Variants in SUPT3H observed in about 807,000 individuals in gnomAD.
The protein encoded by SUPT3H is SPT3 homolog, SAGA and STAGA complex component.
A neutral mutation model predicts 44.3 loss-of-function variants in SUPT3H; 44 were observed. The ratio of observed to expected loss-of-function variants is 0.99; its 90% CI spans 0.78 to 1.28. SUPT3H has a LOEUF of 1.28. Among genes scored for constraint, SUPT3H ranks in the 50% most tolerant of loss-of-function variants. The pLI, the probability that SUPT3H is intolerant of heterozygous loss-of-function variation, is 0.00. For missense variants in SUPT3H, 380 were observed against 387.1 expected (o/e 0.98, Z 0.15); for synonymous variants, 124 against 125.6 (o/e 0.99, Z 0.09).
chr6:45,137,440 A>T (rs1462132443), intron 2 of SUPT3H, among the ~76,000 whole-genome samples: 1 of 152,056 alleles, frequency 6.6e-6, no homozygotes, highest in Non-Finnish European at 1.5e-5. Flanking sequence ...AGCAACAATT[A>T]CAACAACGTA....
At chr6:45,207,758 T>C (rs1355738219) in intron 2 of SUPT3H, among the ~76,000 whole-genome samples, 1 of 152,114 alleles carries the variant, frequency 6.6e-6, no homozygotes, top group East Asian at 1.9e-4. Flanking sequence ...CCATATAAAA[T>C]AGCAAATTTA....
chr6:45,312,551 A>C (rs1784110031), intron 2 of SUPT3H, among the ~76,000 whole-genome samples: 1 of 151,632 alleles, frequency 6.6e-6, no homozygotes, highest in South Asian at 2.1e-4. Flanking sequence ...ACATTATATA[A>C]TGATAAAAGG....
intron 2 of SUPT3H, among the ~76,000 whole-genome samples, chr6:45,212,071 T>C (rs1478052117): frequency 6.6e-6 from 1 of 151,342 alleles, no homozygotes; most frequent in African/African-American, 2.4e-5. Flanking sequence ...GATGCTGAGA[T>C]GAGAGAATTC....
intron 2 of SUPT3H, among the ~76,000 whole-genome samples, chr6:45,128,547 TATATATATATACACACACAC>T (rs1802866691): frequency 1.6e-5 from 1 of 64,280 alleles, no homozygotes; most frequent in East Asian, 3.7e-4. Context: ...TATATATATA[TATATATATATACACACACAC>T]ACACACACAC....
chr6:44,939,434 CT>C (rs375086701), intron 9 of SUPT3H, among the ~76,000 whole-genome samples: 2 of 152,024 alleles, frequency 1.3e-5, no homozygotes, highest in African/African-American at 4.8e-5. Flanking sequence ...TGGTAATTAT[CT>C]TTATGATATG....
chr6:45,356,173 C>T (rs1042589544), intron 2 of SUPT3H, among the ~76,000 whole-genome samples: 1 of 151,860 alleles, frequency 6.6e-6, no homozygotes, highest in African/African-American at 2.4e-5. Flanking sequence ...TTTCTAATGA[C>T]TACAACAACA....
chr6:44,863,445 G>A (rs778598060), intron 10 of SUPT3H, among the ~76,000 whole-genome samples: 9 of 152,324 alleles, frequency 5.9e-5, no homozygotes, highest in South Asian at 2.1e-4. Context: ...GGTCCTGTTC[G>A]TGAAGGTATC....
Position 45,323,448 on chromosome 6 carries a change from C to A in SUPT3H, c.101+41753G>T, listed in dbSNP as rs34762201. The stretch of plus-strand genomic sequence containing the variant: ...TCACATTTTTGCTTTAGAATAACCT[C>A]CCTACAGTAAAGCACATAGACTGAT... On this transcript the variant is annotated intron_variant, in intron 2 of 10. Transcript: ENST00000371459. Among the ~76,000 whole-genome samples the A allele has an allele frequency of 9.7e-3, 1,475 of 152,084 alleles. 11 individuals carry two copies. Among genetic ancestry groups the A allele is most frequent in the Non-Finnish European group, 0.013 (908 of 67,980 alleles).
intron 6 of SUPT3H, among the ~76,000 whole-genome samples, chr6:44,967,700 T>C (rs1330279334): frequency 6.6e-6 from 1 of 152,210 alleles, no homozygotes; most frequent in Non-Finnish European, 1.5e-5. Flanking sequence ...TCAAGGCACA[T>C]GGCATTTAAC....
chr6:45,306,709 C>T (rs1041881776), intron 2 of SUPT3H, among the ~76,000 whole-genome samples: 9 of 152,170 alleles, frequency 5.9e-5, no homozygotes, highest in Non-Finnish European at 8.8e-5. Flanking sequence ...CCAGCATGAG[C>T]GACACAGAAG....
chr6:45,271,018 T>G (rs1040245294), intron 2 of SUPT3H, among the ~76,000 whole-genome samples: 1 of 152,164 alleles, frequency 6.6e-6, no homozygotes, highest in Admixed American at 6.5e-5. Flanking sequence ...TTGAGAGAGA[T>G]AATTTAGGGT....
At chr6:45,287,774 T>G (rs1368902990) in intron 2 of SUPT3H, among the ~76,000 whole-genome samples, 1 of 152,212 alleles carries the variant, frequency 6.6e-6, no homozygotes, top group Admixed American at 6.5e-5. Context: ...AATGTATCAC[T>G]ACAATTTTGA....
At chr6:44,910,991 T>A (rs1222104424) in intron 10 of SUPT3H, among the ~76,000 whole-genome samples, 14 of 43,624 alleles carry the variant, frequency 3.2e-4, no homozygotes, top group Non-Finnish European at 3.2e-4. Flanking sequence ...TGAGACTCCA[T>A]CTCAAAAAAA....
intron 11 of SUPT3H, among the ~76,000 whole-genome samples, chr6:44,821,222 G>C (rs923846258): frequency 6.6e-6 from 1 of 152,162 alleles, no homozygotes; most frequent in African/African-American, 2.4e-5. Flanking sequence ...GCTTTTTACG[G>C]TGGATGCTTC....
rs145335538 is a variant in SUPT3H, at chr6:44,937,428, A to T, written c.802-4665T>A. On this transcript the variant is annotated intron_variant, in intron 9 of 10. Coordinates refer to ENST00000371459, the MANE Select transcript of SUPT3H (RefSeq NM_003599.4). ...GGAATCGCTTGAACCCGGGAGGTGG[A>T]GGTTGCAGTGAGCCCAGATCACGCC... is the stretch of plus-strand genomic sequence containing the variant. Among the ~76,000 whole-genome samples, 26 of 151,910 alleles carry T rather than the reference A, an allele frequency of 1.7e-4. No individual in the cohort carries two copies. The East Asian group carries it at 5.0e-3, about 29-fold the overall frequency.
intron 3 of SUPT3H, among the ~76,000 whole-genome samples, chr6:45,033,580 GAA>G (rs1787267480): frequency 1.3e-5 from 2 of 152,112 alleles, no homozygotes; most frequent in Admixed American, 1.3e-4. Context: ...CTATCACTAT[GAA>G]AAGTTTATTC....
intron 2 of SUPT3H, among the ~76,000 whole-genome samples, chr6:45,168,521 A>G (rs1810278382): frequency 6.6e-6 from 1 of 152,188 alleles, no homozygotes; most frequent in Admixed American, 6.5e-5. Flanking sequence ...TCACAGGTAC[A>G]TCCTTAACCC....
At chr6:45,318,351 A>T (rs1011439724) in intron 2 of SUPT3H, among the ~76,000 whole-genome samples, 2 of 152,146 alleles carry the variant, frequency 1.3e-5, no homozygotes, top group African/African-American at 4.8e-5. Flanking sequence ...GACATTATAC[A>T]TTTGGCAAAA....
At chr6:45,260,528 A>G (rs1774193210) in intron 2 of SUPT3H, among the ~76,000 whole-genome samples, 1 of 152,166 alleles carries the variant, frequency 6.6e-6, no homozygotes, top group Non-Finnish European at 1.5e-5. Context: ...ATAATAAATC[A>G]TTTTTAAAAC....
Sources: gnomAD v4.1 joint callset for allele counts (sites outside exome capture counted in the v4.1 genomes callset) on GRCh38, gnomAD v4.1.1 for gene constraint, MANE v1.5 for transcripts, NCBI Gene and HGNC (gene_info 2026-07-23, HGNC 2026-07-21) for gene names.